Variants in ARHGAP17 observed in about 807,000 individuals in gnomAD.
The protein encoded by ARHGAP17 is rho GTPase-activating protein 17.
A neutral mutation model predicts 99.5 loss-of-function variants in ARHGAP17; 57 were observed. The observed-to-expected ratio is 0.57, with a 90% CI of 0.46 to 0.71. The LOEUF is 0.71. Ranked by LOEUF, ARHGAP17 falls within the 30% of genes least tolerant of loss-of-function variation. The pLI, the probability that ARHGAP17 is intolerant of heterozygous loss-of-function variation, is 0.00. For missense variants in ARHGAP17, 1,000 were observed against 1,122.4 expected (o/e 0.89, Z 1.56); for synonymous variants, 417 against 429.6 (o/e 0.97, Z 0.36).
intron 11 of ARHGAP17, 57 bp from the exon 12 acceptor site, chr16:24,952,427 G>A: frequency 7.2e-7 from 1 of 1,385,576 alleles, no homozygotes; most frequent in South Asian, 1.2e-5. Context: ...AGGAATCTTG[G>A]GACATATTAT....
intron 1 of ARHGAP17, among the ~76,000 whole-genome samples, chr16:25,004,426 C>T (rs942920666): frequency 3.9e-5 from 6 of 152,160 alleles, no homozygotes; most frequent in African/African-American, 1.4e-4. Context: ...GGTGTATTTC[C>T]CCAAAGTACC....
At chr16:24,987,381 C>T (rs2141407936) in intron 1 of ARHGAP17, among the ~76,000 whole-genome samples, 2 of 152,282 alleles carry the variant, frequency 1.3e-5, no homozygotes, top group Admixed American at 1.3e-4. Context: ...GTTTGCTGAC[C>T]CCTGATCTAT....
intron 12 of ARHGAP17, among the ~76,000 whole-genome samples, chr16:24,950,901 T>C (rs1352763342): frequency 3.4e-5 from 5 of 148,924 alleles, no homozygotes; most frequent in Non-Finnish European, 7.4e-5. Context: ...ACACAAGCGA[T>C]GGACTCACAT....
chr16:24,920,036 G>A lies in ARHGAP17; in HGVS notation c.*94C>T. 1 of 1,530,312 alleles carries A rather than the reference G, an allele frequency of 6.5e-7. No individual in the cohort carries two copies. Among genetic ancestry groups the A allele is most frequent in the Non-Finnish European group, 8.9e-7 (1 of 1,126,182 alleles). The allele number at this position is 1,530,312 out of a possible 1,614,324, so 94.8% of individuals were successfully genotyped here. A position where few individuals can be genotyped will look rare whatever the true frequency, so the allele number is the denominator to read the frequency against. ...GGCCCTCCTTTGTCCTCCACTGAAA[G>A]CTTTTCACTGTTCGGTCTGCAAAGA... is the stretch of plus-strand genomic sequence containing the variant. On this transcript the variant is annotated 3_prime_UTR_variant, in exon 20 of 20. Transcript: ENST00000289968.
rs946130200 is a variant in ARHGAP17, at chr16:24,941,796, C to T, written c.1490+191G>A. The stretch of plus-strand genomic sequence containing the variant: ...CGTGGAAGAAACGTTAACTGAGAAG[C>T]TACACACTGACTTTATGGTGAGATT... On this transcript the variant is annotated intron_variant, in intron 16 of 19. Transcript: ENST00000289968. 24 of 698,832 alleles carry T rather than the reference C, an allele frequency of 3.4e-5. No homozygotes were observed. The Admixed American group carries it at 6.6e-4, about 19-fold the overall frequency. The allele number at this position is 698,832 out of a possible 1,614,324, so 43.3% of individuals were successfully genotyped here. A position where few individuals can be genotyped will look rare whatever the true frequency, so the allele number is the denominator to read the frequency against.
At position 24,920,445 on chromosome 16, in the gene ARHGAP17, C is replaced by T. The variant is rs2050691637; in HGVS notation, c.2516-185G>A. The T allele has an allele frequency of 7.9e-6, 5 of 631,190 alleles. 1 individual carries two copies. The highest frequency in any genetic ancestry group is 7.8e-5 in the South Asian group (4 of 51,252). 39.1% of individuals were successfully genotyped at this position (631,190 alleles called of 1,614,324 possible). ...AAGCCTTTGTGACCCCAGAGGGCAG[C>T]TGAGTAGCACAGCCTTGCCTCTGGG... is the stretch of plus-strand genomic sequence containing the variant. On this transcript the variant is annotated intron_variant, in intron 19 of 19. Coordinates refer to ENST00000289968, the MANE Select transcript of ARHGAP17 (RefSeq NM_001006634.3).
At chr16:25,004,219 T>C (rs2141499092) in intron 1 of ARHGAP17, among the ~76,000 whole-genome samples, 1 of 151,730 alleles carries the variant, frequency 6.6e-6, no homozygotes, top group South Asian at 2.1e-4. Context: ...AGGCCAGGAG[T>C]TGGAGACCAG....
At chr16:25,014,996 A>G (rs34638613) in intron 1 of ARHGAP17, among the ~76,000 whole-genome samples, 121,976 of 151,498 alleles carry the variant, frequency 0.81, 49,595 homozygotes, top group African/African-American at 0.89. Context: ...AGGTCTCGGG[A>G]GCCCGGCGGC....
Position 25,015,308 on chromosome 16 carries a change from G to T in ARHGAP17, c.-47C>A. On this transcript the variant is annotated 5_prime_UTR_variant, in exon 1 of 20. Transcript: ENST00000289968. ...CCGCGGGGCTCGGGCCGGGCAGGGC[G>T]GGGGACAGCCTGGCAGCTACTACAT... is the stretch of plus-strand genomic sequence containing the variant. 2.3e-6 allele frequency: 3 copies of T among 1,286,676 alleles called. No individual in the cohort carries two copies. Among genetic ancestry groups the T allele is most frequent in the Non-Finnish European group, 3.0e-6 (3 of 1,012,148 alleles). The allele number at this position is 1,286,676 out of a possible 1,614,324, so 79.7% of individuals were successfully genotyped here.
At chr16:24,966,316 C>T (rs1424005195) in intron 6 of ARHGAP17, among the ~76,000 whole-genome samples, 1 of 151,854 alleles carries the variant, frequency 6.6e-6, no homozygotes, top group East Asian at 1.9e-4. Context: ...GGGCAACATA[C>T]CGAGACCAGG....
chr16:24,977,391 A>G, intron 2 of ARHGAP17, 72 bp from the exon 3 acceptor site: 3 of 1,271,166 alleles, frequency 2.4e-6, no homozygotes, highest in Middle Eastern at 1.9e-4. Context: ...TGGTAGGAAA[A>G]GCATGGCTGA....
chr16:25,006,985 G>A (rs774298741), intron 1 of ARHGAP17, among the ~76,000 whole-genome samples: 4 of 152,164 alleles, frequency 2.6e-5, no homozygotes, highest in African/African-American at 4.8e-5. Flanking sequence ...AAAGGAGATC[G>A]AGGACATTTC....
intron 1 of ARHGAP17, among the ~76,000 whole-genome samples, chr16:25,004,770 C>T (rs924694826): frequency 2.0e-5 from 3 of 152,034 alleles, no homozygotes; most frequent in Non-Finnish European, 2.9e-5. Context: ...ATAAGGAAGA[C>T]GTCCAAAAAG....
chr16:24,979,980 G>T (rs2052626300), intron 1 of ARHGAP17, among the ~76,000 whole-genome samples: 2 of 152,134 alleles, frequency 1.3e-5, no homozygotes, highest in South Asian at 4.1e-4. Flanking sequence ...CAAAGTGCTG[G>T]GATTACATGC....
At chr16:24,935,057 G>A (rs1033079098) in intron 18 of ARHGAP17, among the ~76,000 whole-genome samples, 1 of 152,146 alleles carries the variant, frequency 6.6e-6, no homozygotes, top group African/African-American at 2.4e-5. Flanking sequence ...GGACTGCAGG[G>A]AAGACAGGTG....
chr16:24,935,719 T>C (rs762878665), intron 17 of ARHGAP17, 80 bp from the exon 18 acceptor site: 1 of 1,456,364 alleles, frequency 6.9e-7, no homozygotes, highest in East Asian at 2.3e-5. Context: ...AAACATAAGA[T>C]TCCAAGCAGA....
intron 1 of ARHGAP17, among the ~76,000 whole-genome samples, chr16:24,999,401 T>TTATC (rs1201117853): frequency 4.6e-5 from 7 of 150,716 alleles, no homozygotes; most frequent in Non-Finnish European, 1.5e-5. Context: ...TACAGGTGTT[T>TTATC]TATTTATTTA....
At chr16:25,002,187 A>G (rs2053379389) in intron 1 of ARHGAP17, among the ~76,000 whole-genome samples, 1 of 152,204 alleles carries the variant, frequency 6.6e-6, no homozygotes, top group Non-Finnish European at 1.5e-5. Flanking sequence ...TCACAATTAT[A>G]TGTTTCTAAA....
At chr16:25,011,611 G>A (rs1230293067) in intron 1 of ARHGAP17, among the ~76,000 whole-genome samples, 5 of 151,754 alleles carry the variant, frequency 3.3e-5, no homozygotes, top group Admixed American at 6.6e-5. Context: ...AGGCTGAGAC[G>A]GGAGAATTGC....
Sources: gnomAD v4.1 joint callset for allele counts (sites outside exome capture counted in the v4.1 genomes callset) on GRCh38, gnomAD v4.1.1 for gene constraint, MANE v1.5 for transcripts, NCBI Gene and HGNC (gene_info 2026-07-23, HGNC 2026-07-21) for gene names.